Variants in ZNF462 observed in about 807,000 individuals in gnomAD.
The protein encoded by ZNF462 is zinc finger protein 462, also known as zinc finger PBX1-interacting protein.
ZNF462 carries 10 observed loss-of-function variants against 201.9 expected under a neutral mutation model. The observed-to-expected ratio is 0.05, with a 90% CI of 0.03 to 0.08. ZNF462 has a LOEUF of 0.08. ZNF462 is among the 10% of genes least tolerant of loss of function. The pLI, the probability that ZNF462 is intolerant of heterozygous loss-of-function variation, is 1.00. For synonymous variants in ZNF462, 1,227 were observed against 1,193.3 expected (o/e 1.03, Z -0.58); for missense variants, 2,523 against 3,168.3 (o/e 0.80, Z 4.89).
chr9:107,006,108 C>T lies in ZNF462; in HGVS notation c.7189+2682C>T, dbSNP rs532346371. On this transcript the variant is annotated intron_variant, in intron 11 of 12. Coordinates refer to ENST00000277225, the MANE Select transcript of ZNF462 (RefSeq NM_021224.6). This position sits in a 1 kb window ranked among gnomAD's most constrained non-coding sequence, Gnocchi z 4.3. ...ATAGTTTTGTAGTCAACTTTGAAGT[C>T]GGGTAGGGTGGTGCCTCCAACTTCG... Among the ~76,000 whole-genome samples, 13 of 152,252 alleles carry T rather than the reference C, an allele frequency of 8.5e-5. No homozygotes were observed. Among genetic ancestry groups the T allele is most frequent in the Non-Finnish European group, 1.3e-4 (9 of 68,016 alleles).
chr9:106,886,645 C>G lies in ZNF462; in HGVS notation c.-31+23290C>G, dbSNP rs910177121. 6.6e-6 allele frequency among the ~76,000 whole-genome samples: 1 copy of G among 152,188 alleles called. No homozygotes were observed. The highest frequency in any genetic ancestry group is 2.4e-5 in the African/African-American group (1 of 41,428). ...CCTAGGAAATCATCCCACTTAACCC[C>G]TTCATTTTACAGCTCTGGAAAGGCT... On this transcript the variant is annotated intron_variant, in intron 1 of 12. Transcript: ENST00000277225. The surrounding 1 kb of genome is among the most constrained non-coding windows in gnomAD (Gnocchi z 4.6).
At chr9:106,888,613 A>G (rs1258621519) in intron 1 of ZNF462, among the ~76,000 whole-genome samples, 3 of 152,184 alleles carry the variant, frequency 2.0e-5, no homozygotes, top group South Asian at 2.1e-4. Context: ...CTTCAGTATC[A>G]GATAGCTCCG....
intron 1 of ZNF462, among the ~76,000 whole-genome samples, chr9:106,916,521 A>T (rs1488469278): frequency 6.6e-6 from 1 of 152,180 alleles, no homozygotes; most frequent in Non-Finnish European, 1.5e-5. Context: ...GAGTCGATAA[A>T]GCAACACCGT....
chr9:106,959,607 T>G (rs1488575988), intron 7 of ZNF462, among the ~76,000 whole-genome samples: 1 of 152,112 alleles, frequency 6.6e-6, no homozygotes, highest in Non-Finnish European at 1.5e-5. Context: ...TAAAAGTTGC[T>G]GCAGACCTAG....
intron 7 of ZNF462, among the ~76,000 whole-genome samples, chr9:106,957,818 G>T (rs1310401485): frequency 1.3e-5 from 2 of 152,090 alleles, no homozygotes; most frequent in Non-Finnish European, 2.9e-5. Flanking sequence ...AGAGCAAAGG[G>T]TGGCTGATGA....
At position 106,977,991 on chromosome 9, in the gene ZNF462, G is replaced by A. The variant is rs552181848; in HGVS notation, c.6832+3718G>A. ...TTCCTAGCTTCTGACAGCTCCCAGC[G>A]TTCCTTGACGCTACTTGGCTTATAG... is the stretch of plus-strand genomic sequence containing the variant. On this transcript the variant is annotated intron_variant, in intron 9 of 12. Transcript: ENST00000277225. The surrounding 1 kb of genome is among the most constrained non-coding windows in gnomAD (Gnocchi z 4.6). Among the ~76,000 whole-genome samples, 25 of 151,640 alleles carry A rather than the reference G, an allele frequency of 1.6e-4. 2 individuals are homozygous for A. Among genetic ancestry groups the A allele is most frequent in the African/African-American group, 5.1e-4 (21 of 40,936 alleles).
chr9:106,866,423 G>A lies in ZNF462; in HGVS notation c.-31+3068G>A, dbSNP rs958686277. On this transcript the variant is annotated intron_variant, in intron 1 of 12. Transcript: ENST00000277225. ...ACCAAACTGTTGTGTCATTAATTGA[G>A]GGTTATTGTTCTTCTGAGGGGTGTG... is the stretch of plus-strand genomic sequence containing the variant. Among the ~76,000 whole-genome samples the A allele has an allele frequency of 2.6e-5, 4 of 152,110 alleles. No individual in the cohort carries two copies. The South Asian group carries it at 8.3e-4, about 32-fold the overall frequency.
chr9:106,978,941 T>C lies in ZNF462; in HGVS notation c.6832+4668T>C. 3.2e-6 allele frequency: 1 copy of C among 314,996 alleles called. No individual in the cohort carries two copies. The highest frequency in any genetic ancestry group is 3.0e-5 in the South Asian group (1 of 32,824). The allele number at this position is 314,996 out of a possible 1,614,324, so 19.5% of individuals were successfully genotyped here. A position where few individuals can be genotyped will look rare whatever the true frequency, so the allele number is the denominator to read the frequency against. ...CTTCTACCAGCTTAGCCAAAGCGCC[T>C]TTGTCTTCCAAGTTAATGTGTGTGA... On this transcript the variant is annotated intron_variant, in intron 9 of 12. Coordinates refer to ENST00000277225, the MANE Select transcript of ZNF462 (RefSeq NM_021224.6). The surrounding 1 kb of genome is among the most constrained non-coding windows in gnomAD (Gnocchi z 4.1).
At chr9:106,866,312 G>C (rs1235073784) in intron 1 of ZNF462, among the ~76,000 whole-genome samples, 2 of 152,166 alleles carry the variant, frequency 1.3e-5, no homozygotes, top group East Asian at 3.9e-4. Flanking sequence ...TTAGATTCCA[G>C]ATGTAATTAT....
intron 1 of ZNF462, among the ~76,000 whole-genome samples, chr9:106,882,373 C>G (rs999965143): frequency 6.6e-6 from 1 of 152,202 alleles, no homozygotes; most frequent in Non-Finnish European, 1.5e-5. Context: ...AAAGTGCCTA[C>G]ATATCTGAAA....
chr9:106,883,416 A>G lies in ZNF462; in HGVS notation c.-31+20061A>G, dbSNP rs1038447340. Among the ~76,000 whole-genome samples, 5 of 152,220 alleles carry G rather than the reference A, an allele frequency of 3.3e-5. No individual in the cohort carries two copies. Among genetic ancestry groups the G allele is most frequent in the Non-Finnish European group, 7.3e-5 (5 of 68,042 alleles). On this transcript the variant is annotated intron_variant, in intron 1 of 12. Coordinates refer to ENST00000277225, the MANE Select transcript of ZNF462 (RefSeq NM_021224.6). The surrounding 1 kb of genome is among the most constrained non-coding windows in gnomAD (Gnocchi z 4.9). ...CAGAATAGTGTGCGGATGGAAAATG[A>G]AAAGACTTTTCTCCTCATGATCCTG...
At chr9:106,976,236 G>A (rs926428488) in intron 9 of ZNF462, 3 of 152,212 alleles carry the variant, frequency 2.0e-5, no homozygotes, top group African/African-American at 7.2e-5. Flanking sequence ...GAGGTGCCAT[G>A]CCCTTGTTCA....
intron 5 of ZNF462, among the ~76,000 whole-genome samples, chr9:106,934,555 C>A (rs1830552961): frequency 6.6e-6 from 1 of 152,140 alleles, no homozygotes; most frequent in Non-Finnish European, 1.5e-5. Flanking sequence ...AGAAAACTCT[C>A]TGATGGGTTT....
rs1257730426 is a variant in ZNF462 at position 106,933,017 on chromosome 9, A to G, written c.6116+468A>G. Among the ~76,000 whole-genome samples the G allele has an allele frequency of 1.3e-5, 2 of 152,218 alleles. No individual in the cohort carries two copies. The highest frequency in any genetic ancestry group is 2.9e-5 in the Non-Finnish European group (2 of 68,036). ...AAGGTAAAGAAGTTCATGGATGCCA[A>G]AGAGTTGCTTGACATACAGGGAGAT... On this transcript the variant is annotated intron_variant, in intron 5 of 12. Transcript: ENST00000277225. This position sits in a 1 kb window ranked among gnomAD's most constrained non-coding sequence, Gnocchi z 4.3.
At chr9:107,004,805 A>G (rs1829435441) in intron 11 of ZNF462, among the ~76,000 whole-genome samples, 1 of 152,100 alleles carries the variant, frequency 6.6e-6, no homozygotes, top group Admixed American at 6.5e-5. Flanking sequence ...GTGTTGTACA[A>G]TAGATCTCTT....
At position 106,928,066 on chromosome 9, in the gene ZNF462, C is replaced by T. The variant is rs1290610825; in HGVS notation, c.4154C>T (p.Thr1385Ile). 3.7e-6 allele frequency: 6 copies of T among 1,614,062 alleles called. No individual in the cohort carries two copies. Among genetic ancestry groups the T allele is most frequent in the Non-Finnish European group, 5.1e-6 (6 of 1,180,048 alleles). Residue 1385 changes from threonine (T) to isoleucine (I), a missense_variant, in exon 3 of 13, where the codon ACT becomes ATT. Thr to Ile is a moderately conservative substitution (Grantham distance 89, BLOSUM62 -1). This residue lies in a region of ZNF462 where 165 missense variants were observed against 142.6 expected (regional missense o/e 1.16). Transcript: ENST00000277225. This position sits in a 1 kb window ranked among gnomAD's most constrained non-coding sequence, Gnocchi z 9.3. Reference protein sequence around the residue: ...VFEAVSIWDITNHYQAFHPWA... With the variant: ...VFEAVSIWDIINHYQAFHPWA... ...GAAGCTGTTTCCATCTGGGACATCA[C>T]TAATCACTACCAAGCATTCCACCCC...
intron 7 of ZNF462, among the ~76,000 whole-genome samples, chr9:106,952,933 C>A (rs2131800730): frequency 6.6e-6 from 1 of 152,268 alleles, no homozygotes; most frequent in South Asian, 2.1e-4. Context: ...GGGGGCACAT[C>A]AGCCTGACTC....
chr9:107,006,001 G>A lies in ZNF462; in HGVS notation c.7189+2575G>A, dbSNP rs1829518265. Among the ~76,000 whole-genome samples, 2 of 152,096 alleles carry A rather than the reference G, an allele frequency of 1.3e-5. No individual in the cohort carries two copies. The highest frequency in any genetic ancestry group is 1.3e-4 in the Admixed American group (2 of 15,276). The stretch of plus-strand genomic sequence containing the variant: ...GAAAACCGATGGACTGTGAATGTGT[G>A]GATTTATTTCTGGGCTCTCTATTCT... On this transcript the variant is annotated intron_variant, in intron 11 of 12. Coordinates refer to ENST00000277225, the MANE Select transcript of ZNF462 (RefSeq NM_021224.6). This position sits in a 1 kb window ranked among gnomAD's most constrained non-coding sequence, Gnocchi z 4.3.
intron 1 of ZNF462, among the ~76,000 whole-genome samples, chr9:106,878,597 T>A (rs990661377): frequency 1.3e-5 from 2 of 152,208 alleles, no homozygotes; most frequent in African/African-American, 4.8e-5. Flanking sequence ...GAGATCTCTC[T>A]ATCACAGTTG....
Sources: allele counts gnomAD v4.1 joint callset (sites outside exome capture counted in the v4.1 genomes callset), GRCh38; gene constraint gnomAD v4.1.1; regional missense constraint gnomAD v4.1.1; non-coding constraint Gnocchi (gnomAD v3.1); transcripts MANE v1.5; gene names NCBI Gene and HGNC (gene_info 2026-07-23, HGNC 2026-07-21).